POFUT3: variants seen among roughly 807,000 people sequenced by gnomAD.
The protein encoded by POFUT3 is GDP-fucose protein O-fucosyltransferase 3.
chr8:33,400,189 C>T, the POFUT3 span, among the ~76,000 whole-genome samples: 3 of 148,638 alleles, frequency 2.0e-5, no homozygotes, highest in Admixed American at 6.7e-5. Flanking sequence ...TGGTGGCTCA[C>T]GCCTGTAATC....
the POFUT3 span, among the ~76,000 whole-genome samples, chr8:33,344,958 C>A: frequency 6.6e-6 from 1 of 152,042 alleles, no homozygotes; most frequent in South Asian, 2.1e-4. Context: ...CTACATGGGT[C>A]CCAGGAATAA....
the POFUT3 span, among the ~76,000 whole-genome samples, chr8:33,451,428 A>G: frequency 1.3e-5 from 2 of 152,088 alleles, no homozygotes; most frequent in Admixed American, 1.3e-4. Context: ...ATGTGTGTAT[A>G]TACGTGTGTA....
chr8:33,442,286 TTC>T, the POFUT3 span, among the ~76,000 whole-genome samples: 1 of 136,590 alleles, frequency 7.3e-6, no homozygotes, highest in South Asian at 2.4e-4. Flanking sequence ...TTCTTTTTCT[TTC>T]TCTTTTTTTT....
chr8:33,348,975 G>T, the POFUT3 span, among the ~76,000 whole-genome samples: 1 of 152,202 alleles, frequency 6.6e-6, no homozygotes, highest in Non-Finnish European at 1.5e-5. Flanking sequence ...GCATATAAAG[G>T]TTACACCACA....
chr8:33,468,870 G>A, the POFUT3 span, among the ~76,000 whole-genome samples: 1 of 152,154 alleles, frequency 6.6e-6, no homozygotes, highest in Non-Finnish European at 1.5e-5. Flanking sequence ...AAAACAGGGA[G>A]CTCTGGGAAG....
the POFUT3 span, among the ~76,000 whole-genome samples, chr8:33,362,260 T>G: frequency 6.6e-6 from 1 of 151,792 alleles, no homozygotes; most frequent in South Asian, 2.1e-4. Context: ...CAAGAGCGCC[T>G]GAAGGAAGCA....
the POFUT3 span, among the ~76,000 whole-genome samples, chr8:33,447,156 C>A: frequency 6.6e-6 from 1 of 152,222 alleles, no homozygotes; most frequent in South Asian, 2.1e-4. Flanking sequence ...AGGACTACAA[C>A]AGTGATTCCA....
chr8:33,466,217 G>A, the POFUT3 span, among the ~76,000 whole-genome samples: 1 of 151,984 alleles, frequency 6.6e-6, no homozygotes, highest in South Asian at 2.1e-4. Context: ...AGGGGTTCAA[G>A]ACTAGCCTGG....
the POFUT3 span, among the ~76,000 whole-genome samples, chr8:33,417,037 G>C: frequency 1.3e-5 from 2 of 152,068 alleles, no homozygotes; most frequent in African/African-American, 4.8e-5. Flanking sequence ...TGGCGGGAGT[G>C]AGAGAAACAT....
At chr8:33,421,802 A>C in the POFUT3 span, among the ~76,000 whole-genome samples, 4 of 152,222 alleles carry the variant, frequency 2.6e-5, no homozygotes, top group African/African-American at 9.6e-5. Context: ...CATTGTCATC[A>C]TTAATAACTG....
At chr8:33,321,612 C>T in the POFUT3 span, among the ~76,000 whole-genome samples, 1 of 152,044 alleles carries the variant, frequency 6.6e-6, no homozygotes, top group South Asian at 2.1e-4. Flanking sequence ...TATTGTCAAG[C>T]CAAGTCACTA....
chr8:33,472,879 C>G, the POFUT3 span, among the ~76,000 whole-genome samples: 1 of 152,218 alleles, frequency 6.6e-6, no homozygotes, highest in Non-Finnish European at 1.5e-5. Context: ...TTTGCACACA[C>G]CATTCCGTCT....
chr8:33,471,541 C>A, the POFUT3 span, among the ~76,000 whole-genome samples: 1,979 of 152,236 alleles, frequency 0.013, 40 homozygotes, highest in African/African-American at 0.045. Context: ...TGAGCCACCG[C>A]GCCCGGCCGG....
the POFUT3 span, among the ~76,000 whole-genome samples, chr8:33,324,726 C>G: frequency 6.6e-6 from 1 of 151,788 alleles, no homozygotes; most frequent in Non-Finnish European, 1.5e-5. Flanking sequence ...CCCCCCAACC[C>G]CACTCTTCTC....
the POFUT3 span, among the ~76,000 whole-genome samples, chr8:33,378,668 T>C: frequency 6.6e-6 from 1 of 152,062 alleles, no homozygotes; most frequent in African/African-American, 2.4e-5. Flanking sequence ...ATAGACCTCA[T>C]CTGTGGCATA....
At chr8:33,373,865 T>C in the POFUT3 span, among the ~76,000 whole-genome samples, 9 of 152,022 alleles carry the variant, frequency 5.9e-5, no homozygotes, top group African/African-American at 2.2e-4. Flanking sequence ...CATAGAAGAA[T>C]AGGAAAATTA....
chr8:33,319,296 T>C, the POFUT3 span, among the ~76,000 whole-genome samples: 44 of 76,922 alleles, frequency 5.7e-4, 1 homozygote, highest in African/African-American at 1.5e-3. Context: ...TATATATGTT[T>C]ATATAATATG....
chr8:33,417,901 A>C, the POFUT3 span, among the ~76,000 whole-genome samples: 1 of 152,114 alleles, frequency 6.6e-6, no homozygotes, highest in Admixed American at 6.6e-5. Context: ...TGCGGAGAGA[A>C]CCCCAGGGGT....
At chr8:33,332,739 G>A in the POFUT3 span, among the ~76,000 whole-genome samples, 1 of 152,018 alleles carries the variant, frequency 6.6e-6, no homozygotes, top group Non-Finnish European at 1.5e-5. Flanking sequence ...TTGTAAACTC[G>A]TGTGTAATGA....
Sources: gnomAD v4.1 joint callset for allele counts (sites outside exome capture counted in the v4.1 genomes callset) on GRCh38, gnomAD v4.1.1 for gene constraint, MANE v1.5 for transcripts, NCBI Gene and HGNC (gene_info 2026-07-23, HGNC 2026-07-21) for gene names.